The following SLC37A1 variants were observed in gnomAD, a reference collection of about 807,000 sequenced individuals.
SLC37A1 encodes solute carrier family 37 member 1.
A neutral mutation model predicts 75.3 loss-of-function variants in SLC37A1; 49 were observed. The observed-to-expected ratio is 0.65, with a 90% CI of 0.52 to 0.83. The LOEUF (loss-of-function observed/expected upper bound fraction) is 0.83. SLC37A1 is among the 40% of genes least tolerant of loss of function. The pLI is 0.00. For synonymous variants in SLC37A1, 268 were observed against 292.1 expected, an observed-to-expected ratio of 0.92 and a Z score of 0.84; for missense variants, 566 against 695.0, an observed-to-expected ratio of 0.81 and a Z score of 2.09.
intron 2 of SLC37A1, among the ~76,000 whole-genome samples, chr21:42,525,066 T>TG (rs1246700873): frequency 6.6e-6 from 1 of 152,204 alleles, no homozygotes; most frequent in Non-Finnish European, 1.5e-5. Context: ...CGACAGCGTT[T>TG]GGGGGCTTGC....
chr21:42,560,339 AG>A, intron 11 of SLC37A1: 1 of 152,476 alleles, frequency 6.6e-6, no homozygotes, highest in Non-Finnish European at 1.5e-5. Flanking sequence ...TGGGCTGTCC[AG>A]GGGGCGCTGT....
chr21:42,535,504 C>G lies in SLC37A1; in HGVS notation c.304C>G (p.Leu102Val). Residue 102 changes from leucine (L) to valine (V), a missense_variant, in exon 5 of 20, where the codon CTG becomes GTG. Coordinates refer to ENST00000352133, the MANE Select transcript of SLC37A1 (RefSeq NM_001320537.2). ...CAACTATCAGCAGCTGCTTGGGGCC[C>G]TGGACTACTCCTTCCTGTGCGCCTA... ...KNNYQQLLGA[L>V]DYSFLCAYAV... 1.2e-6 allele frequency: 2 copies of G among 1,614,226 alleles called. No homozygotes were observed. Among genetic ancestry groups the G allele is most frequent in the Non-Finnish European group, 1.7e-6 (2 of 1,180,026 alleles).
intron 3 of SLC37A1, among the ~76,000 whole-genome samples, chr21:42,531,780 T>C (rs1385242638): frequency 6.6e-6 from 1 of 152,182 alleles, no homozygotes; most frequent in African/African-American, 2.4e-5. Context: ...TACTGAAATA[T>C]AGCAATGTTG....
intron 10 of SLC37A1, among the ~76,000 whole-genome samples, chr21:42,554,967 TTTGG>T (rs1302147191): frequency 2.7e-5 from 4 of 147,472 alleles, no homozygotes; most frequent in Admixed American, 6.7e-5. Context: ...TTTTTGTTTG[TTTGG>T]TTGGTTGGTT....
At position 42,525,827 on chromosome 21, in the gene SLC37A1, C is replaced by T; in HGVS notation, c.108C>T (p.His36=). The T allele has an allele frequency of 6.2e-7, 1 of 1,614,032 alleles. No individual in the cohort carries two copies. The highest frequency in any genetic ancestry group is 8.5e-7 in the Non-Finnish European group (1 of 1,179,938). Residue 36 remains histidine (H), a synonymous_variant, in exon 3 of 20, where the codon CAC becomes CAT. Transcript: ENST00000352133. ...ILTFLLYASF[H]LSRKPISIVK... The stretch of plus-strand genomic sequence containing the variant: ...CATTTCTGCTGTATGCAAGTTTTCA[C>T]TTATCTCGAAAGCCTATCAGCATAG...
intron 3 of SLC37A1, among the ~76,000 whole-genome samples, chr21:42,528,760 C>T (rs999008574): frequency 1.3e-5 from 2 of 152,030 alleles, no homozygotes; most frequent in East Asian, 1.9e-4. Context: ...ATCCGGGAGG[C>T]GAAGTTTGCA....
intron 3 of SLC37A1, among the ~76,000 whole-genome samples, chr21:42,533,038 G>A (rs111658643): frequency 2.0e-5 from 3 of 152,178 alleles, no homozygotes; most frequent in East Asian, 1.9e-4. Flanking sequence ...GTCTAGCTCC[G>A]ATTCAAAAGC....
chr21:42,554,872 T>C (rs2055645264), intron 10 of SLC37A1, among the ~76,000 whole-genome samples: 1 of 152,190 alleles, frequency 6.6e-6, no homozygotes, highest in African/African-American at 2.4e-5. Context: ...TTGCTGCTGC[T>C]TAGCTGACCA....
chr21:42,501,589 G>A (rs2054342246), intron 1 of SLC37A1, among the ~76,000 whole-genome samples: 1 of 152,198 alleles, frequency 6.6e-6, no homozygotes, highest in Non-Finnish European at 1.5e-5. Flanking sequence ...GCGGGCGCCT[G>A]TAATCCCAGC....
chr21:42,532,599 G>A (rs923048677), intron 3 of SLC37A1, among the ~76,000 whole-genome samples: 1 of 152,174 alleles, frequency 6.6e-6, no homozygotes, highest in Non-Finnish European at 1.5e-5. Flanking sequence ...AAGGCGGCGG[G>A]TGAACAGAGA....
At position 42,545,974 on chromosome 21, in the gene SLC37A1, G is replaced by A. The variant is rs111228481; in HGVS notation, c.731-1129G>A. ...AGACAAGAGGTTTGATGCTGGCCTCGAGGCCAGCAGGAGTGTGCTCGGCAG... is the reference window on the plus strand; with the variant it reads ...AGACAAGAGGTTTGATGCTGGCCTCAAGGCCAGCAGGAGTGTGCTCGGCAG... On this transcript the variant is annotated intron_variant, in intron 8 of 19. Coordinates refer to ENST00000352133, the MANE Select transcript of SLC37A1 (RefSeq NM_001320537.2). The surrounding 1 kb of genome is among the most constrained non-coding windows in gnomAD (Gnocchi z 4.0). Among the ~76,000 whole-genome samples, 293 of 152,300 alleles carry A rather than the reference G, an allele frequency of 1.9e-3. 2 individuals are homozygous for A. Among genetic ancestry groups the A allele is most frequent in the Middle Eastern group, 6.8e-3 (2 of 294 alleles).
intron 16 of SLC37A1, among the ~76,000 whole-genome samples, chr21:42,567,708 C>T (rs2056015656): frequency 1.3e-5 from 2 of 152,178 alleles, no homozygotes; most frequent in Non-Finnish European, 2.9e-5. Context: ...AACGCTGGTT[C>T]ATTTTTATAG....
chr21:42,529,053 A>G (rs1412346874), intron 3 of SLC37A1, among the ~76,000 whole-genome samples: 2 of 152,226 alleles, frequency 1.3e-5, no homozygotes, highest in African/African-American at 4.8e-5. Context: ...AATTATCAAG[A>G]AAAGTGTAAA....
At chr21:42,558,875 C>A in intron 10 of SLC37A1, 83 bp from the exon 11 acceptor site, 1 of 1,577,604 alleles carries the variant, frequency 6.3e-7, no homozygotes, top group Non-Finnish European at 8.6e-7. Context: ...GCACCCTCGT[C>A]ATTAGGAAGC....
At chr21:42,566,849 C>G in intron 15 of SLC37A1, 136 bp from the exon 16 acceptor site, 1 of 819,852 alleles carries the variant, frequency 1.2e-6, no homozygotes, top group Non-Finnish European at 1.9e-6. Flanking sequence ...TAGCTCCTCA[C>G]TAGACAAGTT....
Position 42,547,336 on chromosome 21 carries a change from C to A in SLC37A1, c.768+196C>A. On this transcript the variant is annotated intron_variant, in intron 9 of 19. Transcript: ENST00000352133. The surrounding 1 kb of genome is among the most constrained non-coding windows in gnomAD (Gnocchi z 6.1). ...CTGATAATAACCTTATCAGCAAAAC[C>A]CAGACAAGAGGTTCAATGCTGTCCA... The A allele has an allele frequency of 1.7e-6, 1 of 603,848 alleles. No individual in the cohort carries two copies. The highest frequency in any genetic ancestry group is 2.9e-5 in the East Asian group (1 of 34,532). The allele number at this position is 603,848 out of a possible 1,614,324, so 37.4% of individuals were successfully genotyped here.
chr21:42,522,343 G>A lies in SLC37A1; in HGVS notation c.57-3433G>A, dbSNP rs117434129. ...ATAAAGAAAACGTAGATAGAATTAC[G>A]AAATAAGAAAGGACTTCGGGAGGGC... On this transcript the variant is annotated intron_variant, in intron 2 of 19. Transcript: ENST00000352133. 9.2e-3 allele frequency among the ~76,000 whole-genome samples: 1,395 copies of A among 152,254 alleles called. 12 individuals carry two copies. Among genetic ancestry groups the A allele is most frequent in the Middle Eastern group, 0.017 (5 of 294 alleles).
At chr21:42,525,950 C>T in intron 3 of SLC37A1, 93 bp downstream of exon 3, 3 of 842,578 alleles carry the variant, frequency 3.6e-6, no homozygotes, top group Admixed American at 2.1e-5. Context: ...GTAGCAGGTA[C>T]ATGGGGAAAC....
chr21:42,499,899 G>C (rs901660042), intron 1 of SLC37A1, among the ~76,000 whole-genome samples: 1 of 152,262 alleles, frequency 6.6e-6, no homozygotes, highest in African/African-American at 2.4e-5. Flanking sequence ...TTCCTGGTGG[G>C]ATGGCCTAGG....
Sources: gnomAD v4.1 joint callset for allele counts (sites outside exome capture counted in the v4.1 genomes callset) on GRCh38, gnomAD v4.1.1 for gene constraint, Gnocchi (gnomAD v3.1) non-coding constraint, MANE v1.5 for transcripts, NCBI Gene and HGNC (gene_info 2026-07-23, HGNC 2026-07-21) for gene names.